Variants in TRMT11 observed in about 807,000 individuals in gnomAD.
The protein encoded by TRMT11 is tRNA (guanine(10)-N(2))-methyltransferase TRMT11.
TRMT11 carries 53 observed loss-of-function variants against 62.8 expected under a neutral mutation model. That is an observed-to-expected ratio of 0.84 (90% CI 0.68 to 1.06). The LOEUF is 1.06. Ranked by LOEUF, TRMT11 falls within the 50% of genes least tolerant of loss-of-function variation. TRMT11 has a pLI of 0.00. For missense variants in TRMT11, 556 were observed against 553.4 expected (o/e 1.00, Z -0.05); for synonymous variants, 188 against 190.3 (o/e 0.99, Z 0.10).
intron 17 of TRMT11, among the ~76,000 whole-genome samples, chr6:126,061,983 A>G (rs114681574): frequency 1.5e-3 from 227 of 152,300 alleles, no homozygotes; most frequent in African/African-American, 5.1e-3. Context: ...CCTTGGCTCA[A>G]TGGATCCCAC....
chr6:126,242,347 T>G, the TRMT11 span, among the ~76,000 whole-genome samples: 1 of 152,120 alleles, frequency 6.6e-6, no homozygotes, highest in African/African-American at 2.4e-5. Context: ...ATCGTGAAAA[T>G]GGCCATACTG....
intron 21 of TRMT11, among the ~76,000 whole-genome samples, chr6:126,145,496 G>C (rs561068528): frequency 3.3e-5 from 5 of 152,270 alleles, no homozygotes; most frequent in African/African-American, 9.6e-5. Flanking sequence ...TTAGCGCCAG[G>C]CACCCAGTGG....
intron 17 of TRMT11, among the ~76,000 whole-genome samples, chr6:126,075,188 T>C (rs1194257375): frequency 6.6e-6 from 1 of 152,102 alleles, no homozygotes; most frequent in Non-Finnish European, 1.5e-5. Flanking sequence ...TGCTTTTCAC[T>C]CTCTTATTAA....
intron 1 of TRMT11, among the ~76,000 whole-genome samples, chr6:126,183,766 A>G (rs1303440009): frequency 6.8e-6 from 1 of 147,324 alleles, no homozygotes; most frequent in Non-Finnish European, 1.5e-5. Flanking sequence ...AATAAGAATT[A>G]TAGATTAACT....
At chr6:126,271,363 C>CAAAAAAAA in the TRMT11 span, among the ~76,000 whole-genome samples, 64 of 36,244 alleles carry the variant, frequency 1.8e-3, no homozygotes, top group East Asian at 4.1e-3. Flanking sequence ...GACTCCATCT[C>CAAAAAAAA]AAAAAAAAAA....
chr6:126,095,447 A>G (rs557717107), intron 17 of TRMT11, among the ~76,000 whole-genome samples: 8 of 152,330 alleles, frequency 5.3e-5, no homozygotes, highest in South Asian at 2.1e-4. Flanking sequence ...TGCATAGGCT[A>G]GAATTGCTGG....
chr6:126,253,234 A>C, the TRMT11 span, among the ~76,000 whole-genome samples: 2 of 152,058 alleles, frequency 1.3e-5, no homozygotes, highest in Non-Finnish European at 2.9e-5. Context: ...CATAAATATC[A>C]CTCACTTTTG....
chr6:126,011,322 A>G lies in TRMT11; in HGVS notation c.830A>G (p.Tyr277Cys), dbSNP rs556229671. 1 of 1,613,392 alleles carries G rather than the reference A, an allele frequency of 6.2e-7. No homozygotes were observed. Among genetic ancestry groups the G allele is most frequent in the Non-Finnish European group, 8.5e-7 (1 of 1,179,560 alleles). ...AACATTAGGGCCAATCTTCGTCAATATGGTTTAGAGAAGTATTACCTTGAT... is the reference window on the plus strand; with the variant it reads ...AACATTAGGGCCAATCTTCGTCAATGTGGTTTAGAGAAGTATTACCTTGAT... Reference protein sequence around the residue: ...DENIRANLRQYGLEKYYLDVL... With the variant: ...DENIRANLRQCGLEKYYLDVL... Residue 277 changes from tyrosine (Y) to cysteine (C), a missense_variant, in exon 9 of 13, where the codon TAT becomes TGT. Tyr to Cys is a radical substitution (Grantham distance 194). Coordinates refer to ENST00000334379, the MANE Select transcript of TRMT11 (RefSeq NM_001031712.3).
At chr6:126,156,389 A>G (rs375260303) in intron 21 of TRMT11, among the ~76,000 whole-genome samples, 3 of 152,284 alleles carry the variant, frequency 2.0e-5, no homozygotes, top group South Asian at 2.1e-4. Context: ...CCCATATAGC[A>G]GGCTTCTGCC....
At chr6:125,989,401 C>G (rs1790244609) in intron 1 of TRMT11, among the ~76,000 whole-genome samples, 1 of 152,072 alleles carries the variant, frequency 6.6e-6, no homozygotes, top group Non-Finnish European at 1.5e-5. Flanking sequence ...AGGCATGAGC[C>G]ACTGCGCCTG....
chr6:126,154,732 G>T (rs1778097707), intron 21 of TRMT11, among the ~76,000 whole-genome samples: 1 of 152,190 alleles, frequency 6.6e-6, no homozygotes, highest in Non-Finnish European at 1.5e-5. Flanking sequence ...TTCCAATCAG[G>T]CAGTGAGGCA....
At position 125,999,615 on chromosome 6, in the gene TRMT11, T is replaced by G; in HGVS notation, c.679+2T>G. The stretch of plus-strand genomic sequence containing the variant: ...TCTTTGATCCATTTGTTGGAACAGG[T>G]ATTTTTATTTAACTTTTAAGCTAGT... On this transcript the variant is annotated splice_donor_variant, in intron 7 of 12. Transcript: ENST00000334379. LOFTEE classifies it high-confidence loss of function. 6.2e-7 allele frequency: 1 copy of G among 1,605,058 alleles called. No homozygotes were observed. The highest frequency in any genetic ancestry group is 2.2e-5 in the East Asian group (1 of 44,636).
chr6:126,065,373 G>C (rs1038840826), intron 17 of TRMT11, among the ~76,000 whole-genome samples: 1 of 152,074 alleles, frequency 6.6e-6, no homozygotes, highest in East Asian at 1.9e-4. Context: ...ACCACAGAGA[G>C]CCACGCCTTC....
chr6:126,197,627 A>G (rs1306670174), intron 1 of TRMT11, among the ~76,000 whole-genome samples: 3 of 152,218 alleles, frequency 2.0e-5, no homozygotes, highest in Non-Finnish European at 4.4e-5. Flanking sequence ...CGTATTATAC[A>G]TTATATATCT....
At chr6:126,042,571 CT>C (rs1215481965), downstream of TRMT11, among the ~76,000 whole-genome samples, 3 of 152,114 alleles carry the variant, frequency 2.0e-5, no homozygotes, top group Non-Finnish European at 2.9e-5. Flanking sequence ...TTTGGAAGTT[CT>C]TACTAAGATA....
At chr6:126,201,081 C>G (rs968185698) in intron 3 of TRMT11, among the ~76,000 whole-genome samples, 1 of 152,188 alleles carries the variant, frequency 6.6e-6, no homozygotes, top group Non-Finnish European at 1.5e-5. Context: ...CTGCCAATAT[C>G]ATATTCCATA....
chr6:126,152,954 T>C (rs554725592), intron 21 of TRMT11, among the ~76,000 whole-genome samples: 5 of 152,280 alleles, frequency 3.3e-5, no homozygotes, highest in Non-Finnish European at 7.4e-5. Context: ...TCTAAACCCA[T>C]TTTTGACCAG....
intron 11 of TRMT11, among the ~76,000 whole-genome samples, chr6:126,018,260 A>G (rs1417979568): frequency 1.3e-5 from 2 of 152,198 alleles, no homozygotes; most frequent in Non-Finnish European, 1.5e-5. Context: ...TGAAGAGAAC[A>G]TGTTTTTCAT....
At chr6:126,129,899 G>A (rs1777761632) in intron 21 of TRMT11, among the ~76,000 whole-genome samples, 1 of 151,938 alleles carries the variant, frequency 6.6e-6, no homozygotes, top group African/African-American at 2.4e-5. Flanking sequence ...TTGGCTTCTG[G>A]CTCACTGTCC....
Sources: allele counts gnomAD v4.1 joint callset (sites outside exome capture counted in the v4.1 genomes callset), GRCh38; gene constraint gnomAD v4.1.1; transcripts MANE v1.5; gene names NCBI Gene and HGNC (gene_info 2026-07-23, HGNC 2026-07-21).